The following CTTNBP2 variants were observed in gnomAD, a reference collection of about 807,000 sequenced individuals.
CTTNBP2 encodes the protein cortactin-binding protein 2.
CTTNBP2 carries 108 observed loss-of-function variants against 156.9 expected under a neutral mutation model. That is an observed-to-expected ratio of 0.69 (90% CI 0.59 to 0.81). The LOEUF (loss-of-function observed/expected upper bound fraction) is 0.81. Ranked by LOEUF, CTTNBP2 falls within the 30% of genes least tolerant of loss-of-function variation. The pLI, the probability that CTTNBP2 is intolerant of heterozygous loss-of-function variation, is 0.00. For synonymous variants in CTTNBP2, 767 were observed against 751.8 expected (o/e 1.02, Z -0.33); for missense variants, 1,924 against 2,035.4 (o/e 0.95, Z 1.05).
At chr7:117,857,245 C>A (rs1803392884) in intron 2 of CTTNBP2, among the ~76,000 whole-genome samples, 1 of 152,120 alleles carries the variant, frequency 6.6e-6, no homozygotes, top group Non-Finnish European at 1.5e-5. Flanking sequence ...AGTTAATCAG[C>A]TTTATGCAAT....
At chr7:117,739,118 A>G (rs1795859470) in intron 14 of CTTNBP2, among the ~76,000 whole-genome samples, 1 of 152,112 alleles carries the variant, frequency 6.6e-6, no homozygotes, top group South Asian at 2.1e-4. Context: ...CTACTTTTCC[A>G]TCTGACCACT....
intron 13 of CTTNBP2, 34 bp from the exon 14 acceptor site, chr7:117,745,964 C>G (rs200027088): frequency 6.2e-7 from 1 of 1,609,906 alleles, no homozygotes; most frequent in Non-Finnish European, 8.5e-7. Context: ...TAGTTCTACG[C>G]ACTTGCCAAT....
Position 117,739,558 on chromosome 7 carries a change from T to A in CTTNBP2, c.3536-4137A>T, listed in dbSNP as rs117210931. ...CAGGGCTACATCCCAGTTTTGCACA[T>A]CCTTATATTAAAAGTCCCAGAGAGT... On this transcript the variant is annotated intron_variant, in intron 14 of 22. Transcript: ENST00000160373. Among the ~76,000 whole-genome samples, 896 of 152,330 alleles carry A rather than the reference T, an allele frequency of 5.9e-3. 4 individuals are homozygous for A. The highest frequency in any genetic ancestry group is 0.01 in the Non-Finnish European group (687 of 68,032).
intron 10 of CTTNBP2, 129 bp downstream of exon 10, chr7:117,760,306 A>G: frequency 1.2e-6 from 1 of 869,348 alleles, no homozygotes; most frequent in Non-Finnish European, 1.8e-6. Context: ...CAAGTTTTTC[A>G]GCACCGGCAG....
chr7:117,863,045 A>C (rs1803877983), intron 1 of CTTNBP2, among the ~76,000 whole-genome samples: 1 of 152,238 alleles, frequency 6.6e-6, no homozygotes, highest in Admixed American at 6.5e-5. Context: ...ACACAAAAGT[A>C]TACATAGCAA....
At chr7:117,814,155 A>G (rs894555097) in intron 2 of CTTNBP2, among the ~76,000 whole-genome samples, 1 of 152,192 alleles carries the variant, frequency 6.6e-6, no homozygotes, top group African/African-American at 2.4e-5. Flanking sequence ...AATTAAAATT[A>G]ATTTTTTGTA....
chr7:117,840,439 T>C (rs1250982262), intron 2 of CTTNBP2, among the ~76,000 whole-genome samples: 1 of 151,808 alleles, frequency 6.6e-6, no homozygotes, highest in Non-Finnish European at 1.5e-5. Flanking sequence ...CTGGGGAGGA[T>C]CATTTGAGCC....
intron 8 of CTTNBP2, 146 bp downstream of exon 8, chr7:117,777,365 A>C (rs769849984): frequency 1.3e-6 from 1 of 785,008 alleles, no homozygotes; most frequent in Non-Finnish European, 2.0e-6. Context: ...CATAGGAATA[A>C]TGTCAATTTG....
At chr7:117,733,072 G>T (rs1384004835) in intron 16 of CTTNBP2, among the ~76,000 whole-genome samples, 1 of 152,076 alleles carries the variant, frequency 6.6e-6, no homozygotes, top group African/African-American at 2.4e-5. Context: ...GTCCTGAAAG[G>T]TCGATTTTCT....
In CTTNBP2 at chr7:117,760,501, T is replaced by A; in HGVS notation, c.3106A>T (p.Thr1036Ser). 1 of 1,614,142 alleles carries A rather than the reference T, an allele frequency of 6.2e-7. No individual in the cohort carries two copies. Among genetic ancestry groups the A allele is most frequent in the Non-Finnish European group, 8.5e-7 (1 of 1,179,966 alleles). Residue 1036 changes from threonine (T) to serine (S), a missense_variant, in exon 10 of 23, where the codon ACT becomes TCT. Physicochemically the swap from Thr to Ser is moderately conservative, Grantham distance 58. Transcript: ENST00000160373. ...TTGGAATCAGTGGTGTTATTGCAAGTCACGTCTTCCAGACTCCACCATCCA... is the reference window on the plus strand; with the variant it reads ...TTGGAATCAGTGGTGTTATTGCAAGACACGTCTTCCAGACTCCACCATCCA... ...SDGWWSLEDVTCNNTTDSNIG... is the reference protein window; with the variant it reads ...SDGWWSLEDVSCNNTTDSNIG...
chr7:117,779,399 C>G (rs1798277866), intron 7 of CTTNBP2, among the ~76,000 whole-genome samples: 1 of 152,104 alleles, frequency 6.6e-6, no homozygotes, highest in Non-Finnish European at 1.5e-5. Flanking sequence ...GAGTTTTGAG[C>G]ATCTATACTT....
chr7:117,772,857 G>A (rs1006814246), intron 8 of CTTNBP2, among the ~76,000 whole-genome samples: 13 of 152,170 alleles, frequency 8.5e-5, no homozygotes, highest in African/African-American at 2.9e-4. Flanking sequence ...CCCATGTCTT[G>A]GATGAGAGGT....
rs963210852 is a variant in CTTNBP2, at chr7:117,746,098, A to G, written c.3350T>C (p.Val1117Ala). 2 of 1,612,082 alleles carry G rather than the reference A, an allele frequency of 1.2e-6. No homozygotes were observed. Among genetic ancestry groups the G allele is most frequent in the Non-Finnish European group, 1.7e-6 (2 of 1,178,156 alleles). The change falls in exon 13 of 23, where the codon GTT becomes GCT. Residue 1117 changes from valine to alanine, a missense_variant and splice_region_variant. By Grantham distance (64) the Val-to-Ala change is moderately conservative. Transcript: ENST00000160373. ...GAAAATGACATTATGATATTGCTCA[A>G]CCTATTAACAAACCAAGTAGAGAGC... ...LQMMQNYLRL[V>A]EQYHNVIFHG...
At chr7:117,858,699 A>G (rs965018327) in intron 2 of CTTNBP2, among the ~76,000 whole-genome samples, 1 of 152,220 alleles carries the variant, frequency 6.6e-6, no homozygotes, top group Non-Finnish European at 1.5e-5. Flanking sequence ...CATGTTTCAA[A>G]TATCTCTCTG....
chr7:117,794,877 C>CTTTTTTTTTT (rs755340586), intron 3 of CTTNBP2, among the ~76,000 whole-genome samples: 2 of 88,322 alleles, frequency 2.3e-5, no homozygotes, highest in African/African-American at 1.1e-4. Flanking sequence ...ATATGTATAT[C>CTTTTTTTTTT]TTTTTTTTTT....
rs1382802398 is a variant in CTTNBP2 at position 117,791,600 on chromosome 7, A to G, written c.1596T>C (p.His532=). ...PPVGRTSLKT[H]GVARVDRGNP... ...TTCCTCTGTCAACTCGTGCTACACC[A>G]TGAGTCTTTAAACTGGTCCGACCAA... The change falls in exon 4 of 23, where the codon CAT becomes CAC. Residue 532 remains histidine (H), a synonymous_variant. Transcript: ENST00000160373. 3.7e-6 allele frequency: 6 copies of G among 1,614,066 alleles called. No individual in the cohort carries two copies. Among genetic ancestry groups the G allele is most frequent in the Non-Finnish European group, 5.1e-6 (6 of 1,180,040 alleles).
chr7:117,815,052 T>C (rs1341743367), intron 2 of CTTNBP2, among the ~76,000 whole-genome samples: 1 of 152,238 alleles, frequency 6.6e-6, no homozygotes, highest in Non-Finnish European at 1.5e-5. Context: ...TCATATTTAT[T>C]ATTTTCAGAG....
chr7:117,819,852 T>C (rs988566957), intron 2 of CTTNBP2, among the ~76,000 whole-genome samples: 1 of 152,204 alleles, frequency 6.6e-6, no homozygotes, highest in African/African-American at 2.4e-5. Context: ...ATAATGCATA[T>C]TGTGAATCAT....
intron 8 of CTTNBP2, among the ~76,000 whole-genome samples, chr7:117,773,056 G>C (rs1429259648): frequency 6.6e-6 from 1 of 152,124 alleles, no homozygotes; most frequent in Non-Finnish European, 1.5e-5. Flanking sequence ...ATAATCAAAA[G>C]CATTACAATA....
Sources: gnomAD v4.1 joint callset for allele counts (sites outside exome capture counted in the v4.1 genomes callset) on GRCh38, gnomAD v4.1.1 for gene constraint, MANE v1.5 for transcripts, NCBI Gene and HGNC (gene_info 2026-07-23, HGNC 2026-07-21) for gene names.